Variants in MAPK10 observed in about 807,000 individuals in gnomAD.
MAPK10 encodes mitogen-activated protein kinase 10, also known as JNK3 alpha protein kinase.
A neutral mutation model predicts 59.3 loss-of-function variants in MAPK10; 25 were observed. The observed-to-expected ratio is 0.42, with a 90% CI of 0.31 to 0.59. The LOEUF is 0.59. Ranked by LOEUF, MAPK10 falls within the 20% of genes least tolerant of loss-of-function variation. MAPK10 has a pLI of 0.15. For missense variants in MAPK10, 351 were observed against 568.9 expected (o/e 0.62, Z 3.90); for synonymous variants, 190 against 200.5 (o/e 0.95, Z 0.44).
chr4:86,142,779 A>T (rs1233211257), intron 4 of MAPK10, among the ~76,000 whole-genome samples: 1 of 152,170 alleles, frequency 6.6e-6, no homozygotes, highest in Non-Finnish European at 1.5e-5. Flanking sequence ...GCTATTTCAG[A>T]GTCTAATGGT....
At chr4:86,579,516 TACACACACACACACAC>T (rs35878270) in intron 1 of MAPK10, among the ~76,000 whole-genome samples, 7,010 of 146,268 alleles carry the variant, frequency 0.048, 220 homozygotes, top group African/African-American at 0.062. Context: ...GATATGTGTA[TACACACACACACACAC>T]ACACACACAC....
intron 3 of MAPK10, among the ~76,000 whole-genome samples, chr4:86,174,732 C>T (rs2075289460): frequency 6.6e-6 from 1 of 152,164 alleles, no homozygotes; most frequent in Non-Finnish European, 1.5e-5. Flanking sequence ...AACCCTTGCT[C>T]ACCTGAATTG....
At chr4:86,117,669 G>T (rs752221029) in intron 4 of MAPK10, 18 of 152,322 alleles carry the variant, frequency 1.2e-4, no homozygotes, top group Non-Finnish European at 2.1e-4. Flanking sequence ...TGAGCGATTT[G>T]TAATGCAGAA....
chr4:86,472,872 G>A (rs1752768518), intron 1 of MAPK10, among the ~76,000 whole-genome samples: 1 of 152,150 alleles, frequency 6.6e-6, no homozygotes, highest in South Asian at 2.1e-4. Flanking sequence ...TTTACACAGG[G>A]CGTACCCCAG....
At chr4:86,549,488 G>C (rs1759582632) in intron 1 of MAPK10, among the ~76,000 whole-genome samples, 1 of 152,130 alleles carries the variant, frequency 6.6e-6, no homozygotes, top group Admixed American at 6.5e-5. Flanking sequence ...CATATAAAAA[G>C]ATAAGAAAGG....
Position 86,551,126 on chromosome 4 carries a change from AC to A in MAPK10, c.-263+42783del, listed in dbSNP as rs763701697. Among the ~76,000 whole-genome samples the A allele has an allele frequency of 3.9e-5, 6 of 152,276 alleles. No individual in the cohort carries two copies. In the East Asian group the frequency reaches 1.2e-3, roughly 29 times the overall value. On this transcript the variant is annotated intron_variant, in intron 1 of 4. Coordinates refer to the MAPK10 transcript ENST00000502302. Reference sequence around the variant, plus strand: ...GATTTGTGGCAATTTGTAGAGTCTGACCTCACTCTTCTAATATTTATAGTAA... The same window carrying A: ...GATTTGTGGCAATTTGTAGAGTCTGACTCACTCTTCTAATATTTATAGTAA...
intron 2 of MAPK10, among the ~76,000 whole-genome samples, chr4:86,205,856 T>C (rs998674733): frequency 6.6e-6 from 1 of 151,950 alleles, no homozygotes; most frequent in Non-Finnish European, 1.5e-5. Flanking sequence ...AAGCAACAAA[T>C]ATCATATTTA....
At chr4:86,229,649 T>C (rs997716228) in intron 2 of MAPK10, among the ~76,000 whole-genome samples, 1 of 152,124 alleles carries the variant, frequency 6.6e-6, no homozygotes, top group Admixed American at 6.6e-5. Flanking sequence ...GTATGCATGA[T>C]TGAAAATGTG....
intron 1 of MAPK10, among the ~76,000 whole-genome samples, chr4:86,508,124 A>G (rs1755944760): frequency 1.3e-5 from 2 of 152,074 alleles, no homozygotes; most frequent in East Asian, 3.9e-4. Context: ...GTGTATTCCC[A>G]TTGTATTCCT....
At chr4:86,520,142 T>C (rs1757007443) in intron 1 of MAPK10, among the ~76,000 whole-genome samples, 1 of 152,214 alleles carries the variant, frequency 6.6e-6, no homozygotes, top group African/African-American at 2.4e-5. Context: ...TTTAAGCTTC[T>C]TATATTTGGA....
At chr4:86,061,043 AT>A (rs2045661658) in intron 11 of MAPK10, among the ~76,000 whole-genome samples, 1 of 152,194 alleles carries the variant, frequency 6.6e-6, no homozygotes, top group African/African-American at 2.4e-5. Flanking sequence ...ACTCCCAAGC[AT>A]TTGCTAAGCA....
intron 2 of MAPK10, among the ~76,000 whole-genome samples, chr4:86,201,823 CT>C (rs1157502264): frequency 1.3e-5 from 2 of 151,568 alleles, no homozygotes; most frequent in Admixed American, 6.6e-5. Flanking sequence ...TTTTCTTCTT[CT>C]TTTTTTAGTG....
upstream of MAPK10, among the ~76,000 whole-genome samples, chr4:86,361,766 G>A (rs1473518375): frequency 6.6e-6 from 1 of 152,092 alleles, no homozygotes; most frequent in African/African-American, 2.4e-5. Context: ...ATTATGCTAA[G>A]TGAAATAAGC....
chr4:86,185,614 G>T (rs1225720653), intron 3 of MAPK10, among the ~76,000 whole-genome samples: 1 of 152,082 alleles, frequency 6.6e-6, no homozygotes, highest in Non-Finnish European at 1.5e-5. Context: ...CCACTTGGGG[G>T]TGGGCAAAAG....
At chr4:86,187,637 T>C (rs2078579618) in intron 3 of MAPK10, among the ~76,000 whole-genome samples, 1 of 152,170 alleles carries the variant, frequency 6.6e-6, no homozygotes, top group Non-Finnish European at 1.5e-5. Flanking sequence ...AAAGAAATAC[T>C]AAAATCTTTA....
intron 2 of MAPK10, among the ~76,000 whole-genome samples, chr4:86,342,207 G>A (rs1160858068): frequency 2.0e-5 from 3 of 152,142 alleles, no homozygotes; most frequent in Non-Finnish European, 4.4e-5. Flanking sequence ...GACCAGAATA[G>A]AGTGATAAAA....
chr4:86,323,268 T>G (rs548249995), intron 2 of MAPK10, among the ~76,000 whole-genome samples: 1 of 152,300 alleles, frequency 6.6e-6, no homozygotes, highest in South Asian at 2.1e-4. Flanking sequence ...TTTGCTCTCT[T>G]CCTTACAGTC....
intron 1 of MAPK10, chr4:86,392,499 C>T (rs1208721182): frequency 3.3e-5 from 5 of 151,120 alleles, no homozygotes; most frequent in African/African-American, 9.7e-5. Context: ...AGTTCTGAAC[C>T]AAGACACACC....
At chr4:86,454,337 C>T (rs1041896289), upstream of MAPK10, among the ~76,000 whole-genome samples, 3 of 152,056 alleles carry the variant, frequency 2.0e-5, no homozygotes, top group East Asian at 3.9e-4. Flanking sequence ...CTGAGAAAGG[C>T]GAAGCCCAGT....
Sources: allele counts gnomAD v4.1 joint callset (sites outside exome capture counted in the v4.1 genomes callset), GRCh38; gene constraint gnomAD v4.1.1; transcripts MANE v1.5; gene names NCBI Gene and HGNC (gene_info 2026-07-23, HGNC 2026-07-21).